The following RIMBP2 variants were observed in gnomAD, a reference collection of about 807,000 sequenced individuals.
RIMBP2 encodes the protein RIMS binding protein 2.
RIMBP2 carries 48 observed loss-of-function variants against 118.6 expected under a neutral mutation model. The ratio of observed to expected loss-of-function variants is 0.40; its 90% CI spans 0.32 to 0.51. The LOEUF is 0.51. Among genes scored for constraint, RIMBP2 ranks in the 20% least tolerant of loss-of-function variants. The pLI is 0.41. For synonymous variants in RIMBP2, 762 were observed against 742.9 expected, an observed-to-expected ratio of 1.03 and a Z score of -0.42; for missense variants, 1,551 against 1,768.3, an observed-to-expected ratio of 0.88 and a Z score of 2.20.
rs1232298844 is a variant in RIMBP2 at position 130,678,789 on chromosome 12, G to A, written c.-352+37433C>T. On this transcript the variant is annotated intron_variant, in intron 1 of 22. Coordinates refer to ENST00000690449, the MANE Select transcript of RIMBP2 (RefSeq NM_001393629.1). ...CCTCCTCAGCCTCCCAAGGTGCTGGGATTACAGGCGTAAGTCACCATCCCT... is the reference window on the plus strand; with the variant it reads ...CCTCCTCAGCCTCCCAAGGTGCTGGAATTACAGGCGTAAGTCACCATCCCT... 2.0e-5 allele frequency among the ~76,000 whole-genome samples: 3 copies of A among 152,306 alleles called. No individual in the cohort carries two copies. The East Asian group carries it at 5.8e-4, about 29-fold the overall frequency.
chr12:130,457,911 G>A (rs999976867), intron 6 of RIMBP2, among the ~76,000 whole-genome samples: 23 of 150,980 alleles, frequency 1.5e-4, no homozygotes, highest in Admixed American at 1.1e-3. Flanking sequence ...TAGGATGGCC[G>A]GGAACATCCC....
intron 8 of RIMBP2, among the ~76,000 whole-genome samples, 183 bp downstream of exon 8, chr12:130,451,012 A>AG (rs751586449): frequency 1.3e-4 from 19 of 151,694 alleles, no homozygotes; most frequent in South Asian, 4.1e-4. Flanking sequence ...GTGTTCACAG[A>AG]GGGGCCCCCC....
At chr12:130,624,469 C>T (rs533323165) in intron 2 of RIMBP2, among the ~76,000 whole-genome samples, 4 of 151,638 alleles carry the variant, frequency 2.6e-5, no homozygotes, top group South Asian at 4.2e-4. Flanking sequence ...TACACCAAGA[C>T]GTGTGTGTGT....
intron 1 of RIMBP2, among the ~76,000 whole-genome samples, chr12:130,705,644 T>G (rs2066073026): frequency 6.6e-6 from 1 of 152,268 alleles, no homozygotes; most frequent in South Asian, 2.1e-4. Context: ...GCACACCGCT[T>G]TCCTGCTCTT....
intron 5 of RIMBP2, among the ~76,000 whole-genome samples, chr12:130,474,670 G>C (rs1323978024): frequency 6.6e-6 from 1 of 152,214 alleles, no homozygotes; most frequent in Non-Finnish European, 1.5e-5. Context: ...AGGCATTGTC[G>C]ATAAGGGTCC....
chr12:130,689,580 C>T (rs1027335866), intron 1 of RIMBP2, among the ~76,000 whole-genome samples: 7 of 152,132 alleles, frequency 4.6e-5, no homozygotes, highest in African/African-American at 1.2e-4. Context: ...CCGTGCAGTA[C>T]GATTCTCCCC....
chr12:130,677,866 T>C (rs1324522524), intron 1 of RIMBP2, among the ~76,000 whole-genome samples: 1 of 152,220 alleles, frequency 6.6e-6, no homozygotes, highest in African/African-American at 2.4e-5. Context: ...CAGATCACAT[T>C]ACACCTCGTT....
In RIMBP2 at chr12:130,475,897, C is replaced by T. The variant is rs2081385760; in HGVS notation, c.102+3015G>A. Reference sequence around the variant, plus strand: ...TGTGTGGGACGTGGCGTCCGAGGCCCCCCAAGCAGTGGTGTCAAGCAGAGG... The same window carrying T: ...TGTGTGGGACGTGGCGTCCGAGGCCTCCCAAGCAGTGGTGTCAAGCAGAGG... On this transcript the variant is annotated intron_variant, in intron 5 of 22. Transcript: ENST00000690449. This position sits in a 1 kb window ranked among gnomAD's most constrained non-coding sequence, Gnocchi z 4.1. 6.6e-6 allele frequency among the ~76,000 whole-genome samples: 1 copy of T among 151,974 alleles called. No homozygotes were observed. The highest frequency in any genetic ancestry group is 1.5e-5 in the Non-Finnish European group (1 of 68,010).
intron 6 of RIMBP2, among the ~76,000 whole-genome samples, chr12:130,468,101 G>A (rs936977073): frequency 2.0e-5 from 3 of 152,168 alleles, no homozygotes; most frequent in Non-Finnish European, 1.5e-5. Flanking sequence ...AACCCCCACT[G>A]CACACCACAG....
At chr12:130,507,729 T>A (rs1326845711) in intron 3 of RIMBP2, among the ~76,000 whole-genome samples, 1 of 152,246 alleles carries the variant, frequency 6.6e-6, no homozygotes, top group Non-Finnish European at 1.5e-5. Context: ...TTCATTTTCA[T>A]TGTGGAGGCA....
chr12:130,418,838 A>G (rs769526347), intron 17 of RIMBP2, among the ~76,000 whole-genome samples: 1 of 152,142 alleles, frequency 6.6e-6, no homozygotes, highest in Non-Finnish European at 1.5e-5. Context: ...GTCCAAACTC[A>G]CATGGACCAT....
chr12:130,428,366 C>T (rs199813259), intron 14 of RIMBP2, 29 bp from the exon 15 acceptor site: 79 of 1,584,730 alleles, frequency 5.0e-5, no homozygotes, highest in Non-Finnish European at 5.0e-5. Context: ...GGCTACTGAG[C>T]GGGTGGCTCC....
chr12:130,439,074 T>A (rs1349093596), intron 11 of RIMBP2, among the ~76,000 whole-genome samples: 3 of 150,412 alleles, frequency 2.0e-5, no homozygotes, highest in African/African-American at 7.3e-5. Context: ...TGAGCAAAAC[T>A]GAAAGATGAA....
intron 19 of RIMBP2, among the ~76,000 whole-genome samples, chr12:130,408,469 T>C (rs2075390078): frequency 6.6e-6 from 1 of 152,186 alleles, no homozygotes; most frequent in African/African-American, 2.4e-5. Context: ...TAGAGGTGCA[T>C]TCCCACGGCC....
chr12:130,548,462 T>C (rs1323317806), intron 2 of RIMBP2, among the ~76,000 whole-genome samples: 1 of 152,182 alleles, frequency 6.6e-6, no homozygotes, highest in Non-Finnish European at 1.5e-5. Context: ...GGCTACAAAA[T>C]GTTTTCACGT....
At chr12:130,612,415 C>T (rs1465739692) in intron 2 of RIMBP2, among the ~76,000 whole-genome samples, 7 of 152,114 alleles carry the variant, frequency 4.6e-5, no homozygotes, top group African/African-American at 9.7e-5. Flanking sequence ...GGTCACCATG[C>T]GTGAGCTGCT....
intron 1 of RIMBP2, among the ~76,000 whole-genome samples, chr12:130,695,548 C>A (rs905037808): frequency 2.6e-5 from 4 of 152,104 alleles, no homozygotes; most frequent in African/African-American, 4.8e-5. Flanking sequence ...TGAAGACCAA[C>A]CTGGGAGGGA....
In RIMBP2 at chr12:130,670,670, A is replaced by G. The variant is rs1566444141; in HGVS notation, c.-351-42214T>C. Among the ~76,000 whole-genome samples, 1 of 152,148 alleles carries G rather than the reference A, an allele frequency of 6.6e-6. No homozygotes were observed. Among genetic ancestry groups the G allele is most frequent in the Non-Finnish European group, 1.5e-5 (1 of 68,012 alleles). ...GAGAGGCTGGAAAGGAGAAACGCTC[A>G]CTGTCCCACCCTCCCTTGCAGCTAC... On this transcript the variant is annotated intron_variant, in intron 1 of 22. Transcript: ENST00000690449. The surrounding 1 kb of genome is among the most constrained non-coding windows in gnomAD (Gnocchi z 4.9).
At chr12:130,531,590 C>A (rs970344398) in intron 2 of RIMBP2, among the ~76,000 whole-genome samples, 1 of 152,146 alleles carries the variant, frequency 6.6e-6, no homozygotes, top group African/African-American at 2.4e-5. Context: ...TAGGATGATT[C>A]CAGTTTGAGA....
Sources: allele counts gnomAD v4.1 joint callset (sites outside exome capture counted in the v4.1 genomes callset), GRCh38; gene constraint gnomAD v4.1.1; non-coding constraint Gnocchi (gnomAD v3.1); transcripts MANE v1.5; gene names NCBI Gene and HGNC (gene_info 2026-07-23, HGNC 2026-07-21).